The following QTRT2 variants were observed in gnomAD, a reference collection of about 807,000 sequenced individuals.
QTRT2 encodes the protein queuine tRNA-ribosyltransferase domain containing 1.
A neutral mutation model predicts 44.8 loss-of-function variants in QTRT2; 32 were observed. The ratio of observed to expected loss-of-function variants is 0.71; its 90% CI spans 0.54 to 0.96. The LOEUF is 0.96. Among genes scored for constraint, QTRT2 ranks in the 40% least tolerant of loss-of-function variants. The probability of loss-of-function intolerance (pLI) is 0.00; values close to 1 mark genes in which losing one functional copy is unlikely to be tolerated. For missense variants in QTRT2, 461 were observed against 503.1 expected (o/e 0.92, Z 0.80); for synonymous variants, 182 against 187.4 (o/e 0.97, Z 0.24).
chr3:114,085,985 T>TTAAAG lies in QTRT2; in HGVS notation c.*81_*82insTAAAG. ...ATGGGAAGACGTGAAGAAGAAATAA[T>TTAAAG]CTGAGCTTTAATTATTTATATTTGG... On this transcript the variant is annotated 3_prime_UTR_variant, in exon 10 of 10. Coordinates refer to ENST00000281273, the MANE Select transcript of QTRT2 (RefSeq NM_024638.4). 9.1e-7 allele frequency: 1 copy of TTAAAG among 1,095,060 alleles called. No individual in the cohort carries two copies. Among genetic ancestry groups the TTAAAG allele is most frequent in the Non-Finnish European group, 1.4e-6 (1 of 718,740 alleles). 67.8% of individuals were successfully genotyped at this position (1,095,060 alleles called of 1,614,324 possible).
intron 9 of QTRT2, among the ~76,000 whole-genome samples, chr3:114,085,236 C>G (rs2077219687): frequency 6.6e-6 from 1 of 151,868 alleles, no homozygotes; most frequent in Non-Finnish European, 1.5e-5. Context: ...GAGATGGAGT[C>G]TCGCTCTGTT....
At chr3:114,083,898 G>A (rs1434753692) in intron 9 of QTRT2, among the ~76,000 whole-genome samples, 1 of 151,926 alleles carries the variant, frequency 6.6e-6, no homozygotes, top group Non-Finnish European at 1.5e-5. Flanking sequence ...AAATTTTAGG[G>A]TAATATAAAT....
At chr3:114,074,077 A>G (rs1368364424) in intron 6 of QTRT2, among the ~76,000 whole-genome samples, 1 of 152,198 alleles carries the variant, frequency 6.6e-6, no homozygotes, top group Non-Finnish European at 1.5e-5. Context: ...GAAGAGAGTC[A>G]TCTGTTAGTC....
At position 114,079,954 on chromosome 3, in the gene QTRT2, A is replaced by T. The variant is rs1327448012; in HGVS notation, c.795A>T (p.Glu265Asp). The T allele has an allele frequency of 5.0e-6, 8 of 1,613,818 alleles. No individual in the cohort carries two copies. Among genetic ancestry groups the T allele is most frequent in the African/African-American group, 1.3e-5 (1 of 74,914 alleles). ...CAGATGAGGTGCTCGAGTGTATTGAAAGAGGAGTGGACTTATTTGAGAGTT... is the reference window on the plus strand; with the variant it reads ...CAGATGAGGTGCTCGAGTGTATTGATAGAGGAGTGGACTTATTTGAGAGTT... ...SRPDEVLECI[E>D]RGVDLFESFF... Residue 265 changes from glutamate to aspartate, a missense_variant, in exon 8 of 10, where the codon GAA (glutamate) becomes GAT (aspartate). Coordinates refer to ENST00000281273, the MANE Select transcript of QTRT2 (RefSeq NM_024638.4).
At chr3:114,063,056 A>C (rs926573805) in intron 2 of QTRT2, among the ~76,000 whole-genome samples, 2 of 152,248 alleles carry the variant, frequency 1.3e-5, no homozygotes, top group Non-Finnish European at 2.9e-5. Flanking sequence ...GATAGTAGGA[A>C]ATGCGTAAGT....
At chr3:114,085,102 G>A (rs190387291) in intron 9 of QTRT2, among the ~76,000 whole-genome samples, 3 of 152,248 alleles carry the variant, frequency 2.0e-5, no homozygotes, top group Non-Finnish European at 4.4e-5. Context: ...ATGAGTGAGC[G>A]ACCACATGAA....
chr3:114,061,867 T>C (rs1050879691), intron 2 of QTRT2, among the ~76,000 whole-genome samples: 2 of 152,124 alleles, frequency 1.3e-5, no homozygotes, highest in Non-Finnish European at 2.9e-5. Context: ...CGTGAGCCAA[T>C]GTGCCCAACC....
rs2076795516 is a variant in QTRT2 at position 114,056,788 on chromosome 3, T to C, written c.-206T>C. The C allele has an allele frequency of 6.6e-7, 1 of 1,522,636 alleles. No individual in the cohort carries two copies. Among genetic ancestry groups the C allele is most frequent in the Admixed American group, 2.0e-5 (1 of 49,444 alleles). The allele number at this position is 1,522,636 out of a possible 1,614,324, so 94.3% of individuals were successfully genotyped here. On this transcript the variant is annotated 5_prime_UTR_variant, in exon 1 of 10. Coordinates refer to ENST00000281273, the MANE Select transcript of QTRT2 (RefSeq NM_024638.4). The stretch of plus-strand genomic sequence containing the variant: ...GAGGCAGTGATTTTGGGGCAGAGAA[T>C]TTTGCAACACGTGGTAGTGAACTGT...
chr3:114,064,628 T>C (rs1319160517), intron 2 of QTRT2, among the ~76,000 whole-genome samples: 1 of 152,232 alleles, frequency 6.6e-6, no homozygotes, highest in Non-Finnish European at 1.5e-5. Flanking sequence ...ATTGCGTGTA[T>C]GCTCCACACA....
intron 6 of QTRT2, among the ~76,000 whole-genome samples, chr3:114,076,323 T>C (rs1358299989): frequency 6.6e-6 from 1 of 152,116 alleles, no homozygotes; most frequent in East Asian, 1.9e-4. Flanking sequence ...CAAGCCACCG[T>C]GCCCAGCTAA....
intron 5 of QTRT2, among the ~76,000 whole-genome samples, chr3:114,069,321 G>A (rs1206582986): frequency 6.6e-6 from 1 of 151,830 alleles, no homozygotes; most frequent in Non-Finnish European, 1.5e-5. Flanking sequence ...GGGGTTTGTT[G>A]TACAGATTAT....
Position 114,080,004 on chromosome 3 carries a change from G to A in QTRT2, c.845G>A (p.Arg282Gln). The A allele has an allele frequency of 3.7e-6, 6 of 1,613,496 alleles. No individual in the cohort carries two copies. Among genetic ancestry groups the A allele is most frequent in the Admixed American group, 1.7e-5 (1 of 59,960 alleles). ...TTTTTCCCTTATCAAGTAACAGAGC[G>A]GGGATGTGCCCTGACTTTCAGTTTT... ...ESFFPYQVTE[R>Q]GCALTFSFDY... Residue 282 changes from arginine to glutamine, a missense_variant, in exon 8 of 10, where the codon CGG (arginine) becomes CAG (glutamine). Coordinates refer to ENST00000281273, the MANE Select transcript of QTRT2 (RefSeq NM_024638.4).
At chr3:114,067,567 T>G (rs1324922187) in intron 4 of QTRT2, among the ~76,000 whole-genome samples, 1 of 152,320 alleles carries the variant, frequency 6.6e-6, no homozygotes, top group Non-Finnish European at 1.5e-5. Context: ...ATGATATTAT[T>G]GAGATTTATT....
At chr3:114,071,016 C>T (rs2077018468) in intron 6 of QTRT2, among the ~76,000 whole-genome samples, 178 bp downstream of exon 6, 1 of 152,058 alleles carries the variant, frequency 6.6e-6, no homozygotes, top group Admixed American at 6.6e-5. Context: ...AGGTTTCTAT[C>T]TTAGGTTTCT....
At chr3:114,074,134 G>A (rs1156454613) in intron 6 of QTRT2, among the ~76,000 whole-genome samples, 2 of 152,206 alleles carry the variant, frequency 1.3e-5, no homozygotes, top group African/African-American at 4.8e-5. Context: ...ATCATGCCAA[G>A]TGTCTGCCAT....
intron 2 of QTRT2, among the ~76,000 whole-genome samples, 176 bp from the exon 3 acceptor site, chr3:114,065,056 GTCTTA>G (rs2076933832): frequency 6.6e-6 from 1 of 152,104 alleles, no homozygotes. Context: ...TAGGGAAGAT[GTCTTA>G]TTCTCTTTAT....
chr3:114,059,237 C>G (rs964676356), intron 2 of QTRT2, among the ~76,000 whole-genome samples: 1 of 152,176 alleles, frequency 6.6e-6, no homozygotes, highest in East Asian at 1.9e-4. Flanking sequence ...TCTTTACACT[C>G]TTAAGGGTTT....
chr3:114,061,745 T>C (rs2076888853), intron 2 of QTRT2, among the ~76,000 whole-genome samples: 1 of 151,876 alleles, frequency 6.6e-6, no homozygotes, highest in Non-Finnish European at 1.5e-5. Context: ...TCCTGGCTAG[T>C]TTTTGTATTT....
intron 4 of QTRT2, among the ~76,000 whole-genome samples, chr3:114,067,500 A>C (rs891732187): frequency 1.3e-5 from 2 of 152,344 alleles, no homozygotes; most frequent in African/African-American, 4.8e-5. Context: ...ACTTACTAAG[A>C]ATGGGATCCA....
Sources: allele counts gnomAD v4.1 joint callset (sites outside exome capture counted in the v4.1 genomes callset), GRCh38; gene constraint gnomAD v4.1.1; transcripts MANE v1.5; gene names NCBI Gene and HGNC (gene_info 2026-07-23, HGNC 2026-07-21).